Variants in GALNT16 observed in about 807,000 individuals in gnomAD.
The protein encoded by GALNT16 is polypeptide N-acetylgalactosaminyltransferase 16, also known as UDP-GalNAc:polypeptide N-acetylgalactosaminyltransferase-like protein 1.
In GALNT16, 40 loss-of-function variants were observed where a neutral mutation model predicts 76.1. The ratio of observed to expected loss-of-function variants is 0.53; its 90% CI spans 0.41 to 0.68. The LOEUF is 0.68. Ranked by LOEUF, GALNT16 falls within the 30% of genes least tolerant of loss-of-function variation. GALNT16 has a pLI of 0.00. For missense variants in GALNT16, 621 were observed against 731.9 expected, an observed-to-expected ratio of 0.85 and a Z score of 1.75; for synonymous variants, 276 against 285.2, an observed-to-expected ratio of 0.97 and a Z score of 0.32.
intron 1 of GALNT16, among the ~76,000 whole-genome samples, chr14:69,277,792 T>C (rs1344140306): frequency 6.6e-6 from 1 of 152,244 alleles, no homozygotes; most frequent in Non-Finnish European, 1.5e-5. Context: ...CCTTGGGGAA[T>C]TGCCCCACTG....
chr14:69,322,393 G>C (rs556441186), intron 2 of GALNT16, among the ~76,000 whole-genome samples: 1 of 152,220 alleles, frequency 6.6e-6, no homozygotes, highest in Non-Finnish European at 1.5e-5. Context: ...GGATCTGTTG[G>C]CCCCAATCTG....
At chr14:69,339,337 C>CTT (rs2045454713) in intron 10 of GALNT16, among the ~76,000 whole-genome samples, 190 bp from the exon 11 acceptor site, 1 of 152,202 alleles carries the variant, frequency 6.6e-6, no homozygotes, top group East Asian at 1.9e-4. Context: ...AGTCTAGCTG[C>CTT]ATACCTACAA....
chr14:69,312,228 G>A (rs912731620), intron 1 of GALNT16, among the ~76,000 whole-genome samples: 1 of 152,084 alleles, frequency 6.6e-6, no homozygotes, highest in Non-Finnish European at 1.5e-5. Context: ...TCTAGGCTGG[G>A]CAACAGAGCA....
At chr14:69,347,792 G>T in intron 13 of GALNT16, 85 bp from the exon 14 acceptor site, 1 of 1,405,308 alleles carries the variant, frequency 7.1e-7, no homozygotes, top group Non-Finnish European at 9.8e-7. Context: ...AAAATATGCC[G>T]TGTTTTTGCT....
chr14:69,340,394 T>C (rs1212540852), intron 11 of GALNT16, among the ~76,000 whole-genome samples: 1 of 152,212 alleles, frequency 6.6e-6, no homozygotes, highest in Admixed American at 6.5e-5. Flanking sequence ...TTATAATACC[T>C]AATACAATGC....
At chr14:69,280,543 C>G (rs2044527241) in intron 1 of GALNT16, among the ~76,000 whole-genome samples, 1 of 152,144 alleles carries the variant, frequency 6.6e-6, no homozygotes, top group South Asian at 2.1e-4. Flanking sequence ...GCTTTCTGTT[C>G]TTTGGGGTAT....
chr14:69,285,834 A>G (rs771778803), intron 1 of GALNT16, among the ~76,000 whole-genome samples: 2 of 151,778 alleles, frequency 1.3e-5, no homozygotes, highest in Non-Finnish European at 2.9e-5. Context: ...CATACCCCCT[A>G]CCCCTCACTA....
the GALNT16 span, among the ~76,000 whole-genome samples, chr14:69,369,554 G>A: frequency 3.9e-5 from 6 of 152,140 alleles, no homozygotes; most frequent in African/African-American, 9.7e-5. Context: ...CAAGGCAAGC[G>A]GCTGATCTTA....
chr14:69,346,145 T>A (rs766913040), intron 12 of GALNT16, among the ~76,000 whole-genome samples: 2 of 152,130 alleles, frequency 1.3e-5, no homozygotes, highest in Non-Finnish European at 2.9e-5. Context: ...CCTCCTGCTT[T>A]GGCCTTCCAA....
At position 69,261,806 on chromosome 14, in the gene GALNT16, G is replaced by C. The variant is rs1363819280; in HGVS notation, c.177+1339G>C. Among the ~76,000 whole-genome samples the C allele has an allele frequency of 2.0e-5, 3 of 152,174 alleles. No individual in the cohort carries two copies. Among genetic ancestry groups the C allele is most frequent in the Admixed American group, 2.0e-4 (3 of 15,276 alleles). Reference sequence around the variant, plus strand: ...GCTTTGCCTGAGGAGACCTGGGGCGGGGGGGTGAGGTTGTGGGTTTTGTCC... The same window carrying C: ...GCTTTGCCTGAGGAGACCTGGGGCGCGGGGGTGAGGTTGTGGGTTTTGTCC... On this transcript the variant is annotated intron_variant, in intron 1 of 14. Coordinates refer to ENST00000448469, the MANE Select transcript of GALNT16 (RefSeq NM_001168368.2). The surrounding 1 kb of genome is among the most constrained non-coding windows in gnomAD (Gnocchi z 6.4).
At chr14:69,287,821 C>T (rs2044634112) in intron 1 of GALNT16, among the ~76,000 whole-genome samples, 1 of 152,178 alleles carries the variant, frequency 6.6e-6, no homozygotes, top group African/African-American at 2.4e-5. Flanking sequence ...GCAGCTGCCT[C>T]TGAGTGAGAT....
At chr14:69,322,981 T>TGTGTGTGTGC (rs1196943800) in intron 2 of GALNT16, among the ~76,000 whole-genome samples, 32 of 28,324 alleles carry the variant, frequency 1.1e-3, no homozygotes, top group African/African-American at 2.5e-3. Context: ...TGTGTGTGTG[T>TGTGTGTGTGC]GCGCGCGCAC....
the GALNT16 span, among the ~76,000 whole-genome samples, chr14:69,373,770 TTCTC>T: frequency 6.6e-6 from 1 of 151,822 alleles, no homozygotes; most frequent in African/African-American, 2.4e-5. Flanking sequence ...CTCTCTCTCT[TTCTC>T]TCTTTCCTTT....
chr14:69,272,529 T>C (rs1039569217), intron 1 of GALNT16, among the ~76,000 whole-genome samples: 1 of 152,194 alleles, frequency 6.6e-6, no homozygotes, highest in Middle Eastern at 3.2e-3. Flanking sequence ...CTACTGACCC[T>C]GTAGCCACTG....
rs2045444022 is a variant in GALNT16, at chr14:69,338,638, C to T, written c.968-13C>T. ...AACCCCTTCCTCCTCCTGACGGCTA[C>T]TATTTCCTGCAGAGCTCTCCTTCAG... is the stretch of plus-strand genomic sequence containing the variant. On this transcript the variant is annotated splice_polypyrimidine_tract_variant and intron_variant, in intron 9 of 14. Transcript: ENST00000448469. 2 of 1,611,174 alleles carry T rather than the reference C, an allele frequency of 1.2e-6. No homozygotes were observed. The highest frequency in any genetic ancestry group is 1.7e-6 in the Non-Finnish European group (2 of 1,178,046).
chr14:69,271,004 G>A (rs2044400933), intron 1 of GALNT16, among the ~76,000 whole-genome samples: 1 of 152,090 alleles, frequency 6.6e-6, no homozygotes, highest in Non-Finnish European at 1.5e-5. Flanking sequence ...ACCAGGGAAG[G>A]CAAGGGAGCA....
At chr14:69,360,158 G>A (rs1037122298), downstream of GALNT16, among the ~76,000 whole-genome samples, 2 of 152,022 alleles carry the variant, frequency 1.3e-5, no homozygotes, top group Non-Finnish European at 2.9e-5. Flanking sequence ...TTTGAAACCA[G>A]CCTGGGCAAA....
At position 69,347,171 on chromosome 14, in the gene GALNT16, A is replaced by C; in HGVS notation, c.1403A>C (p.Gln468Pro). The change falls in exon 13 of 15, where the codon CAG becomes CCG. Residue 468 changes from glutamine (Q) to proline (P), a missense_variant. Gln to Pro is a moderately conservative substitution (Grantham distance 76). Coordinates refer to ENST00000448469, the MANE Select transcript of GALNT16 (RefSeq NM_001168368.2). ...GICRGSAKNP[Q>P]PAQAWLFSDH... The stretch of plus-strand genomic sequence containing the variant: ...TGCAGAGGGTCTGCCAAGAACCCGC[A>C]GCCCGCCCAGGTAAGGACCTCGGGT... 1.2e-6 allele frequency: 2 copies of C among 1,608,982 alleles called. No homozygotes were observed. The highest frequency in any genetic ancestry group is 1.7e-4 in the Middle Eastern group (1 of 5,886).
At chr14:69,284,091 A>G (rs970213076) in intron 1 of GALNT16, among the ~76,000 whole-genome samples, 2 of 152,186 alleles carry the variant, frequency 1.3e-5, no homozygotes, top group African/African-American at 4.8e-5. Flanking sequence ...CTGCCCTGCT[A>G]TACAAACTTT....
Sources: gnomAD v4.1 joint callset for allele counts (sites outside exome capture counted in the v4.1 genomes callset) on GRCh38, gnomAD v4.1.1 for gene constraint, Gnocchi (gnomAD v3.1) non-coding constraint, MANE v1.5 for transcripts, NCBI Gene and HGNC (gene_info 2026-07-23, HGNC 2026-07-21) for gene names.